The following KCNK10 variants were observed in gnomAD, a reference collection of about 807,000 sequenced individuals.
The protein encoded by KCNK10 is potassium two pore domain channel subfamily K member 10.
KCNK10 carries 25 observed loss-of-function variants against 47.7 expected under a neutral mutation model. The ratio of observed to expected loss-of-function variants is 0.52; its 90% confidence interval spans 0.38 to 0.73. The LOEUF is 0.73. KCNK10 is among the 30% of genes least tolerant of loss of function. The probability of loss-of-function intolerance (pLI) is 0.00; values close to 1 mark genes in which losing one functional copy is unlikely to be tolerated. For synonymous variants in KCNK10, 303 were observed against 285.6 expected, an observed-to-expected ratio of 1.06 and a Z score of -0.61; for missense variants, 563 against 714.5, an observed-to-expected ratio of 0.79 and a Z score of 2.42.
At chr14:88,211,091 G>A (rs1165347195) in intron 4 of KCNK10, among the ~76,000 whole-genome samples, 1 of 152,162 alleles carries the variant, frequency 6.6e-6, no homozygotes, top group Non-Finnish European at 1.5e-5. Context: ...CAACCAAAAA[G>A]TGGAAACAGC....
chr14:88,248,828 C>T (rs78987678), intron 2 of KCNK10, among the ~76,000 whole-genome samples: 5,283 of 151,844 alleles, frequency 0.035, 123 homozygotes, highest in Non-Finnish European at 0.054. Context: ...AGGGGAGAAA[C>T]AAGGAAGTGC....
intron 1 of KCNK10, among the ~76,000 whole-genome samples, chr14:88,284,837 C>T (rs1235465458): frequency 6.6e-6 from 1 of 152,118 alleles, no homozygotes; most frequent in Admixed American, 6.5e-5. Flanking sequence ...ATCAAGTTGA[C>T]AATATTAACC....
intron 4 of KCNK10, among the ~76,000 whole-genome samples, 187 bp from the exon 5 acceptor site, chr14:88,192,597 G>A (rs1884785473): frequency 6.6e-6 from 1 of 152,148 alleles, no homozygotes; most frequent in South Asian, 2.1e-4. Context: ...TTTTCAAGTG[G>A]TCTAGGAGGT....
intron 4 of KCNK10, among the ~76,000 whole-genome samples, chr14:88,195,340 A>T (rs1884877390): frequency 6.6e-6 from 1 of 152,214 alleles, no homozygotes; most frequent in African/African-American, 2.4e-5. Context: ...ATTGTTTGGA[A>T]GATTAAACAA....
At position 88,264,894 on chromosome 14, in the gene KCNK10, G is replaced by A. The variant is rs531189561; in HGVS notation, c.53-1343C>T. ...CCCTTGCTCCTGTTGATGCCGAGAA[G>A]GTGAGCCTTGCCTAAGGTGGCTTTC... is the stretch of plus-strand genomic sequence containing the variant. On this transcript the variant is annotated intron_variant, in intron 1 of 6. Coordinates refer to ENST00000319231, the MANE Select transcript of KCNK10 (RefSeq NM_138317.3). 4.9e-4 allele frequency among the ~76,000 whole-genome samples: 74 copies of A among 152,298 alleles called. 1 individual carries two copies. The highest frequency in any genetic ancestry group is 1.8e-3 in the African/African-American group (73 of 41,552).
chr14:88,258,566 G>C (rs1887024089), intron 2 of KCNK10, among the ~76,000 whole-genome samples: 1 of 152,200 alleles, frequency 6.6e-6, no homozygotes, highest in African/African-American at 2.4e-5. Flanking sequence ...TGGGATTACA[G>C]GCGTGAGCCA....
chr14:88,231,092 T>C (rs1198371079), intron 3 of KCNK10, among the ~76,000 whole-genome samples: 1 of 151,986 alleles, frequency 6.6e-6, no homozygotes, highest in African/African-American at 2.4e-5. Context: ...CTGAACAATA[T>C]TGTGAGCCCT....
Position 88,215,957 on chromosome 14 carries a change from G to A in KCNK10, c.681+11418C>T, listed in dbSNP as rs920817756. On this transcript the variant is annotated intron_variant, in intron 4 of 6. Coordinates refer to ENST00000319231, the MANE Select transcript of KCNK10 (RefSeq NM_138317.3). ...AGAAGACAACAGGAAACACCAAAGG[G>A]ATACTGGCCAGTTATGAAAGGTAAG... Among the ~76,000 whole-genome samples the A allele has an allele frequency of 3.3e-5, 5 of 152,272 alleles. 1 individual carries two copies. In the South Asian group the frequency reaches 8.3e-4, roughly 25 times the overall value.
At chr14:88,203,173 G>C (rs2139841380) in intron 4 of KCNK10, among the ~76,000 whole-genome samples, 1 of 152,272 alleles carries the variant, frequency 6.6e-6, no homozygotes, top group East Asian at 1.9e-4. Flanking sequence ...TCTTGCAGCA[G>C]CATCCAGGGG....
At chr14:88,245,979 G>C (rs758939240) in intron 2 of KCNK10, among the ~76,000 whole-genome samples, 1 of 152,160 alleles carries the variant, frequency 6.6e-6, no homozygotes. Context: ...CTCCCTGAAC[G>C]GCACAGTCAG....
chr14:88,261,415 G>A (rs8015776), intron 2 of KCNK10, among the ~76,000 whole-genome samples: 2,844 of 152,260 alleles, frequency 0.019, 43 homozygotes, highest in African/African-American at 0.039. Context: ...GCACTGATTA[G>A]TACAAAAATC....
intron 1 of KCNK10, among the ~76,000 whole-genome samples, chr14:88,303,466 C>A (rs1301042308): frequency 2.0e-5 from 3 of 152,066 alleles, no homozygotes; most frequent in Non-Finnish European, 2.9e-5. Context: ...TTCAGACCAC[C>A]CTTTCCAGCA....
chr14:88,291,112 C>T (rs771425727), intron 1 of KCNK10, among the ~76,000 whole-genome samples: 9 of 152,240 alleles, frequency 5.9e-5, no homozygotes, highest in Non-Finnish European at 1.0e-4. Context: ...AGAAGCCAAA[C>T]ACTGCAGAAC....
intron 5 of KCNK10, among the ~76,000 whole-genome samples, chr14:88,189,200 G>A (rs1320921035): frequency 6.6e-6 from 1 of 152,150 alleles, no homozygotes; most frequent in African/African-American, 2.4e-5. Context: ...GGCTCCTCTC[G>A]ACAAGCTCAA....
chr14:88,326,635 G>A (rs1229726866), upstream of KCNK10: 2 of 593,756 alleles, frequency 3.4e-6, no homozygotes, highest in Non-Finnish European at 5.9e-6. Context: ...CAGGAGACCC[G>A]GGCTGGCGGC....
chr14:88,265,745 G>T (rs569048606), intron 1 of KCNK10, among the ~76,000 whole-genome samples: 13 of 152,138 alleles, frequency 8.5e-5, no homozygotes, highest in Non-Finnish European at 1.5e-4. Context: ...CATGGGGGCA[G>T]GTTTTTCCCC....
At chr14:88,287,590 A>G (rs1887789426) in intron 1 of KCNK10, among the ~76,000 whole-genome samples, 1 of 152,030 alleles carries the variant, frequency 6.6e-6, no homozygotes, top group Non-Finnish European at 1.5e-5. Context: ...GAGTTACTTC[A>G]CTTAGAATGT....
chr14:88,263,378 T>C lies in KCNK10; in HGVS notation c.226A>G (p.Thr76Ala), dbSNP rs768998435. The C allele has an allele frequency of 1.2e-5, 19 of 1,614,046 alleles. No homozygotes were observed. The highest frequency in any genetic ancestry group is 1.5e-5 in the Non-Finnish European group (18 of 1,180,052). Residue 76 changes from threonine to alanine, a missense_variant, in exon 2 of 7, where the codon ACG becomes GCG. Coordinates refer to ENST00000319231, the MANE Select transcript of KCNK10 (RefSeq NM_138317.3). ...GGLQTVMKWK[T>A]VVAIFVVVVV... The stretch of plus-strand genomic sequence containing the variant: ...ACAACCACAAAGATGGCAACCACCG[T>C]CTTCCACTTCATGACGGTCTGCAAG...
intron 4 of KCNK10, among the ~76,000 whole-genome samples, chr14:88,219,424 A>G (rs911344049): frequency 6.6e-6 from 1 of 152,172 alleles, no homozygotes; most frequent in East Asian, 1.9e-4. Flanking sequence ...CCCCCACCCT[A>G]TCTAGCCCCT....
Sources: allele counts gnomAD v4.1 joint callset (sites outside exome capture counted in the v4.1 genomes callset), GRCh38; gene constraint gnomAD v4.1.1; transcripts MANE v1.5; gene names NCBI Gene and HGNC (gene_info 2026-07-23, HGNC 2026-07-21).